The following ZNF90 variants were observed in gnomAD, a reference collection of about 807,000 sequenced individuals.
ZNF90 encodes the protein zinc finger protein 90, also known as zinc finger protein HTF9.
ZNF90 carries 11 observed loss-of-function variants against 12.0 expected under a neutral mutation model. The observed-to-expected ratio is 0.92, with a 90% CI of 0.58 to 1.52. The LOEUF is 1.52. Among genes scored for constraint, ZNF90 ranks in the 40% most tolerant of loss-of-function variants. ZNF90 has a pLI of 0.00. For synonymous variants in ZNF90, 232 were observed against 240.1 expected (o/e 0.97, Z 0.31); for missense variants, 765 against 711.5 (o/e 1.08, Z -0.86).
chr19:20,110,313 C>CT (rs1555704941), intron 3 of ZNF90, among the ~76,000 whole-genome samples: 6 of 152,048 alleles, frequency 3.9e-5, no homozygotes, highest in Non-Finnish European at 5.9e-5. Context: ...GAGTCTTGCT[C>CT]TGTTGCCCAG....
intron 1 of ZNF90, among the ~76,000 whole-genome samples, chr19:20,098,961 T>TA (rs1180144486): frequency 6.6e-6 from 1 of 151,762 alleles, no homozygotes; most frequent in East Asian, 1.9e-4. Context: ...ATATGGCCAT[T>TA]AAAAAAAATA....
chr19:20,092,266 G>C (rs150553584), intron 1 of ZNF90, among the ~76,000 whole-genome samples: 11 of 152,310 alleles, frequency 7.2e-5, no homozygotes, highest in African/African-American at 2.6e-4. Flanking sequence ...TGTAGAGAGT[G>C]AGTTGAGCAT....
chr19:20,089,389 T>C (rs2088884565), intron 1 of ZNF90, among the ~76,000 whole-genome samples: 1 of 152,120 alleles, frequency 6.6e-6, no homozygotes, highest in Non-Finnish European at 1.5e-5. Flanking sequence ...TGCGAATTTT[T>C]TTAAGTTTGC....
At chr19:20,088,087 G>A (rs2088874082) in intron 1 of ZNF90, among the ~76,000 whole-genome samples, 1 of 152,184 alleles carries the variant, frequency 6.6e-6, no homozygotes, top group Non-Finnish European at 1.5e-5. Flanking sequence ...GCATATACGT[G>A]CAGGTCACAG....
At chr19:20,085,270 T>TTTTTTTTTTCTTTTTTTTTC (rs1418296204) in intron 1 of ZNF90, among the ~76,000 whole-genome samples, 1 of 146,392 alleles carries the variant, frequency 6.8e-6, no homozygotes. Context: ...GCATTGGTCT[T>TTTTTTTTTTCTTTTTTTTTC]TTTTTTTTAG....
chr19:20,102,955 C>T lies in ZNF90; in HGVS notation c.4-1284C>T, dbSNP rs146671159. 8.9e-3 allele frequency among the ~76,000 whole-genome samples: 1,354 copies of T among 152,274 alleles called. 30 individuals carry two copies. The highest frequency in any genetic ancestry group is 0.031 in the African/African-American group (1,275 of 41,558). On this transcript the variant is annotated intron_variant, in intron 1 of 3. Transcript: ENST00000418063. ...TCTGTACTTTGAAGTTTGTATAAAA[C>T]ATGTTCCTTTATGGTTAAATTCATA...
chr19:20,093,382 A>G (rs550043274), intron 1 of ZNF90, among the ~76,000 whole-genome samples: 11 of 152,292 alleles, frequency 7.2e-5, no homozygotes, highest in African/African-American at 2.6e-4. Flanking sequence ...GAGCAGGGTA[A>G]GGGTGATTAG....
In ZNF90 at chr19:20,078,153, G is replaced by T. The variant is rs750304184; in HGVS notation, c.3+18G>T. ...TAGAAATGGTGAGAGTGCCTTTCCA[G>T]CATTCCGAGAGAGGGGAGGGACTGG... On this transcript the variant is annotated intron_variant, in intron 1 of 3. Coordinates refer to ENST00000418063, the MANE Select transcript of ZNF90 (RefSeq NM_007138.2). 1.2e-6 allele frequency: 2 copies of T among 1,613,984 alleles called. No individual in the cohort carries two copies. The highest frequency in any genetic ancestry group is 1.1e-5 in the South Asian group (1 of 91,078).
At chr19:20,078,198 G>T in intron 1 of ZNF90, 63 bp downstream of exon 1, 1 of 1,608,444 alleles carries the variant, frequency 6.2e-7, no homozygotes, top group Non-Finnish European at 8.5e-7. Flanking sequence ...ATGGGAAGTG[G>T]CTGTGGCGGG....
chr19:20,108,705 AGT>A (rs1159714501), intron 3 of ZNF90, among the ~76,000 whole-genome samples: 1 of 143,048 alleles, frequency 7.0e-6, no homozygotes, highest in Non-Finnish European at 1.5e-5. Context: ...GTTCTATATT[AGT>A]GTGTTTCTTC....
rs563917642 is a variant in ZNF90, at chr19:20,116,617, C to A, written c.227-1164C>A. Among the ~76,000 whole-genome samples, 24 of 152,274 alleles carry A rather than the reference C, an allele frequency of 1.6e-4. 1 individual carries two copies. The highest frequency in any genetic ancestry group is 8.3e-4 in the South Asian group (4 of 4,834). On this transcript the variant is annotated intron_variant, in intron 3 of 3. Transcript: ENST00000418063. The stretch of plus-strand genomic sequence containing the variant: ...GACATTGACAAAAAGCTACCTGTTA[C>A]AATCTTTTTATAATATAGCTTTGTC...
intron 1 of ZNF90, among the ~76,000 whole-genome samples, chr19:20,103,678 A>G (rs1392917068): frequency 1.3e-5 from 2 of 152,182 alleles, no homozygotes; most frequent in Non-Finnish European, 2.9e-5. Flanking sequence ...CTCTTTGTTT[A>G]CAGGCCAGAA....
intron 3 of ZNF90, among the ~76,000 whole-genome samples, chr19:20,115,379 A>T (rs2089127965): frequency 6.8e-6 from 1 of 147,610 alleles, no homozygotes; most frequent in African/African-American, 2.5e-5. Flanking sequence ...TTTTTGTTTT[A>T]TTTGATTCTT....
At chr19:20,099,987 T>C (rs193299956) in intron 1 of ZNF90, among the ~76,000 whole-genome samples, 1 of 151,774 alleles carries the variant, frequency 6.6e-6, no homozygotes, top group Non-Finnish European at 1.5e-5. Flanking sequence ...AGAAAGGAAA[T>C]GAAAAGGAAA....
intron 3 of ZNF90, among the ~76,000 whole-genome samples, chr19:20,115,884 A>C (rs932137778): frequency 6.6e-6 from 1 of 151,670 alleles, no homozygotes; most frequent in African/African-American, 2.4e-5. Flanking sequence ...TTATTTCTGT[A>C]TTTATTTTAT....
chr19:20,118,686 T>C lies in ZNF90; in HGVS notation c.1132T>C (p.Phe378Leu). ...CAAGTGTGATAAATGTGGCAAAGCA[T>C]TTATTTCATCCTCACTCCTTTATAA... ...PYKCDKCGKAFISSSLLYKHK... is the reference protein window; with the variant it reads ...PYKCDKCGKALISSSLLYKHK... The change falls in exon 4 of 4, where the codon TTT becomes CTT. Residue 378 changes from phenylalanine to leucine, a missense_variant. Transcript: ENST00000418063. The C allele has an allele frequency of 6.4e-7, 1 of 1,566,872 alleles. No homozygotes were observed. The highest frequency in any genetic ancestry group is 8.6e-7 in the Non-Finnish European group (1 of 1,156,778).
chr19:20,112,844 C>A (rs2089101863), intron 3 of ZNF90, among the ~76,000 whole-genome samples: 1 of 151,668 alleles, frequency 6.6e-6, no homozygotes, highest in South Asian at 2.1e-4. Context: ...TCTAAGATTT[C>A]TTTTATGAAT....
rs1555706172 is a variant in ZNF90 at position 20,118,864 on chromosome 19, C to A, written c.1310C>A (p.Ser437Tyr). The change falls in exon 4 of 4, where the codon TCC becomes TAC. Residue 437 changes from serine to tyrosine, a missense_variant. By Grantham distance (144) the Ser-to-Tyr change is moderately radical (BLOSUM62 -2). Transcript: ENST00000418063. ...CQECDKVFKR[S>Y]SALSTHKIIH... ...GAATGTGACAAAGTCTTCAAACGCT[C>A]CTCAGCCCTTAGCACACATAAGATA... 6.2e-7 allele frequency: 1 copy of A among 1,608,776 alleles called. No homozygotes were observed. The highest frequency in any genetic ancestry group is 8.5e-7 in the Non-Finnish European group (1 of 1,177,594).
intron 1 of ZNF90, among the ~76,000 whole-genome samples, chr19:20,085,161 C>G (rs1193638818): frequency 3.9e-5 from 6 of 152,086 alleles, no homozygotes; most frequent in African/African-American, 1.2e-4. Context: ...ATTCCAGCAC[C>G]ATTTATGAAA....
Sources: gnomAD v4.1 joint callset for allele counts (sites outside exome capture counted in the v4.1 genomes callset) on GRCh38, gnomAD v4.1.1 for gene constraint, MANE v1.5 for transcripts, NCBI Gene and HGNC (gene_info 2026-07-23, HGNC 2026-07-21) for gene names.